The following CDH13 variants were observed in gnomAD, a reference collection of about 807,000 sequenced individuals.
CDH13 encodes the protein cadherin 13, also known as cadherin-13.
Under a neutral mutation model 63.8 loss-of-function variants are expected in CDH13, and 24 were observed. The ratio of observed to expected loss-of-function variants is 0.38; its 90% CI spans 0.27 to 0.53. The LOEUF is 0.53. Among genes scored for constraint, CDH13 ranks in the 20% least tolerant of loss-of-function variants. CDH13 has a pLI of 0.85. For missense variants in CDH13, 1,049 were observed against 903.1 expected, an observed-to-expected ratio of 1.16 and a Z score of -2.07; for synonymous variants, 503 against 355.3, an observed-to-expected ratio of 1.42 and a Z score of -4.67.
At chr16:83,063,889 C>T (rs1033510724) in intron 3 of CDH13, among the ~76,000 whole-genome samples, 1 of 152,006 alleles carries the variant, frequency 6.6e-6, no homozygotes, top group African/African-American at 2.4e-5. Context: ...AACATTTTTG[C>T]AGGGAGAGTC....
chr16:83,198,448 T>C (rs6565152), intron 4 of CDH13, among the ~76,000 whole-genome samples: 31,049 of 152,042 alleles, frequency 0.2, 3,387 homozygotes, highest in African/African-American at 0.24. Context: ...CTTTTGTTAG[T>C]GGATGGACCA....
chr16:82,811,366 G>T (rs1161561058), intron 1 of CDH13, among the ~76,000 whole-genome samples: 1 of 152,092 alleles, frequency 6.6e-6, no homozygotes, highest in Non-Finnish European at 1.5e-5. Flanking sequence ...TTAATAATAG[G>T]CTTTGGTGGC....
chr16:83,733,544 C>T (rs73236459), intron 10 of CDH13, among the ~76,000 whole-genome samples: 7,264 of 152,232 alleles, frequency 0.048, 449 homozygotes, highest in African/African-American at 0.15. Flanking sequence ...AGTCATAATG[C>T]GAGGCTCAGC....
chr16:82,836,724 A>C (rs1218599309), intron 1 of CDH13, among the ~76,000 whole-genome samples: 1 of 152,106 alleles, frequency 6.6e-6, no homozygotes, highest in African/African-American at 2.4e-5. Context: ...TCTGTGGTAC[A>C]CCTGGGCTCA....
chr16:83,037,313 A>G (rs1916951060), intron 3 of CDH13, among the ~76,000 whole-genome samples: 1 of 152,092 alleles, frequency 6.6e-6, no homozygotes, highest in South Asian at 2.1e-4. Context: ...CTAACTTGAA[A>G]CTGACAAAAA....
At chr16:83,745,756 C>G (rs1912520966) in intron 10 of CDH13, among the ~76,000 whole-genome samples, 1 of 152,200 alleles carries the variant, frequency 6.6e-6, no homozygotes, top group Non-Finnish European at 1.5e-5. Flanking sequence ...TTCTTCTTCT[C>G]CTTGGCCACA....
At chr16:83,387,812 C>T (rs1247219459) in intron 6 of CDH13, among the ~76,000 whole-genome samples, 3 of 152,118 alleles carry the variant, frequency 2.0e-5, no homozygotes, top group South Asian at 2.1e-4. Context: ...TGGCACTTTC[C>T]CCTTGCTGTC....
intron 1 of CDH13, among the ~76,000 whole-genome samples, chr16:82,633,836 C>T (rs1424381315): frequency 6.6e-6 from 1 of 152,196 alleles, no homozygotes; most frequent in African/African-American, 2.4e-5. Flanking sequence ...CTAGACTAAT[C>T]TGTCTGCCTC....
intron 3 of CDH13, among the ~76,000 whole-genome samples, chr16:83,043,288 A>G (rs1166773804): frequency 6.6e-6 from 1 of 152,156 alleles, no homozygotes; most frequent in South Asian, 2.1e-4. Context: ...TGGGGGAAAA[A>G]CTGATCCCAT....
rs958079061 is a variant in CDH13 at position 83,800,636 on chromosome 16, T to G, written c.*5606T>G. On this transcript the variant is annotated 3_prime_UTR_variant, in exon 14 of 14. Transcript: ENST00000567109. ...ATTCAAATAAAGCTTATCTGGGATT[T>G]TTAACTTGTGTGTTTAGTCTTAGAC... 1 of 152,240 alleles carries G rather than the reference T, an allele frequency of 6.6e-6. No individual in the cohort carries two copies. The highest frequency in any genetic ancestry group is 6.5e-5 in the Admixed American group (1 of 15,288). The allele number at this position is 152,240 out of a possible 1,614,324, so 9.4% of individuals were successfully genotyped here. A position where few individuals can be genotyped will look rare whatever the true frequency, so the allele number is the denominator to read the frequency against.
chr16:82,802,939 G>A (rs1163966807), intron 1 of CDH13, among the ~76,000 whole-genome samples: 4 of 152,074 alleles, frequency 2.6e-5, no homozygotes, highest in South Asian at 2.1e-4. Context: ...CACCCACTAC[G>A]GTGTCCCATT....
chr16:83,711,072 C>G (rs1465142304), intron 10 of CDH13, among the ~76,000 whole-genome samples: 1 of 152,212 alleles, frequency 6.6e-6, no homozygotes, highest in South Asian at 2.1e-4. Flanking sequence ...CTACACGCCA[C>G]CACCTTGGGG....
chr16:82,899,043 G>T (rs1269325667), intron 2 of CDH13, among the ~76,000 whole-genome samples: 1 of 152,144 alleles, frequency 6.6e-6, no homozygotes, highest in Admixed American at 6.5e-5. Context: ...TCATCAACTA[G>T]GATGACAAGT....
chr16:82,802,577 G>T (rs927064051), intron 1 of CDH13, among the ~76,000 whole-genome samples: 14 of 152,162 alleles, frequency 9.2e-5, no homozygotes, highest in Non-Finnish European at 7.3e-5. Context: ...GTGAGTAGGT[G>T]TGCCCACAGC....
chr16:82,689,867 G>A (rs564002652), intron 1 of CDH13, among the ~76,000 whole-genome samples: 16 of 151,562 alleles, frequency 1.1e-4, no homozygotes, highest in Admixed American at 1.1e-3. Flanking sequence ...TCTCATAGCT[G>A]GGGGCAGTGG....
intron 5 of CDH13, among the ~76,000 whole-genome samples, chr16:83,308,881 C>G (rs555899950): frequency 1.1e-4 from 16 of 152,296 alleles, no homozygotes; most frequent in African/African-American, 3.4e-4. Flanking sequence ...AGAATGAAAA[C>G]CATCAACTAG....
chr16:82,736,040 A>G (rs1169038776), intron 1 of CDH13, among the ~76,000 whole-genome samples: 3 of 152,204 alleles, frequency 2.0e-5, no homozygotes, highest in Non-Finnish European at 4.4e-5. Context: ...GAGAACCAAT[A>G]AAAGCGATTC....
intron 13 of CDH13, among the ~76,000 whole-genome samples, 190 bp from the exon 14 acceptor site, chr16:83,794,833 G>T (rs149935069): frequency 6.6e-6 from 1 of 151,964 alleles, no homozygotes; most frequent in Non-Finnish European, 1.5e-5. Context: ...GAGAAGTCCA[G>T]CTTTTTACCA....
At chr16:83,684,054 T>C (rs187328504) in intron 10 of CDH13, among the ~76,000 whole-genome samples, 2 of 152,326 alleles carry the variant, frequency 1.3e-5, no homozygotes, top group African/African-American at 4.8e-5. Context: ...AGAGGACTTA[T>C]GTAACTGAAC....
Sources: gnomAD v4.1 joint callset for allele counts (sites outside exome capture counted in the v4.1 genomes callset) on GRCh38, gnomAD v4.1.1 for gene constraint, MANE v1.5 for transcripts, NCBI Gene and HGNC (gene_info 2026-07-23, HGNC 2026-07-21) for gene names.